Variants in MSH3 observed in about 807,000 individuals in gnomAD.
MSH3 encodes DNA mismatch repair protein Msh3.
MSH3 carries 106 observed loss-of-function variants against 123.3 expected under a neutral mutation model. That is an observed-to-expected ratio of 0.86 (90% CI 0.73 to 1.01). MSH3 has a LOEUF of 1.01. MSH3 is among the 50% of genes least tolerant of loss of function. The pLI is 0.00. For synonymous variants in MSH3, 515 were observed against 481.4 expected (o/e 1.07, Z -0.91); for missense variants, 1,459 against 1,347.6 (o/e 1.08, Z -1.29).
At chr5:80,747,065 C>T (rs1743734569) in intron 12 of MSH3, among the ~76,000 whole-genome samples, 2 of 152,152 alleles carry the variant, frequency 1.3e-5, no homozygotes, top group Admixed American at 1.3e-4. Flanking sequence ...GTTCAGCATT[C>T]TAATGAAATA....
intron 10 of MSH3, among the ~76,000 whole-genome samples, chr5:80,734,589 CCTCA>C (rs1743468789): frequency 6.6e-6 from 1 of 152,132 alleles, no homozygotes; most frequent in Non-Finnish European, 1.5e-5. Context: ...ATAACCAATG[CCTCA>C]TGTATTTTGA....
intron 9 of MSH3, among the ~76,000 whole-genome samples, chr5:80,727,656 A>C (rs1267147938): frequency 6.6e-6 from 1 of 152,236 alleles, no homozygotes; most frequent in African/African-American, 2.4e-5. Flanking sequence ...TCGTTCAGCT[A>C]ATTTTTTGAA....
intron 8 of MSH3, among the ~76,000 whole-genome samples, chr5:80,709,569 C>CTGAGATCACG (rs1206831589): frequency 6.6e-6 from 1 of 152,054 alleles, no homozygotes; most frequent in Admixed American, 6.6e-5. Flanking sequence ...TTGCAGTGAG[C>CTGAGATCACG]TGAGATCACG....
chr5:80,827,492 C>T (rs3797898), intron 20 of MSH3, among the ~76,000 whole-genome samples: 24,016 of 152,118 alleles, frequency 0.16, 1,997 homozygotes, highest in East Asian at 0.24. Flanking sequence ...GTACTCTATA[C>T]AAAATATATT....
chr5:80,728,285 C>A (rs1285194378), intron 9 of MSH3, among the ~76,000 whole-genome samples: 3 of 152,178 alleles, frequency 2.0e-5, no homozygotes, highest in African/African-American at 7.2e-5. Context: ...AAAGCTGTTG[C>A]AGTGTTTGTG....
At chr5:80,746,550 C>T in intron 12 of MSH3, 1 of 435,342 alleles carries the variant, frequency 2.3e-6, no homozygotes, top group South Asian at 1.7e-5. Context: ...GATCGACTTT[C>T]AGGAATTGTT....
At position 80,768,130 on chromosome 5, in the gene MSH3, A is replaced by G; in HGVS notation, c.2084+10A>G. 6.2e-7 allele frequency: 1 copy of G among 1,611,612 alleles called. No homozygotes were observed. Among genetic ancestry groups the G allele is most frequent in the Non-Finnish European group, 8.5e-7 (1 of 1,177,780 alleles). ...ATGAACAAGCTGCCAAGTAAGTACCAGACCCTGAATTCTTCCTTTTCACCA... is the reference window on the plus strand; with the variant it reads ...ATGAACAAGCTGCCAAGTAAGTACCGGACCCTGAATTCTTCCTTTTCACCA... On this transcript the variant is annotated intron_variant, in intron 14 of 23. Transcript: ENST00000265081.
At chr5:80,755,076 G>A (rs1489569550) in intron 12 of MSH3, among the ~76,000 whole-genome samples, 2 of 152,134 alleles carry the variant, frequency 1.3e-5, no homozygotes, top group African/African-American at 2.4e-5. Context: ...ATTACTGCTC[G>A]GAAATGGGAA....
At position 80,662,221 on chromosome 5, in the gene MSH3, G is replaced by A. The variant is rs1304132833; in HGVS notation, c.359-2922G>A. Among the ~76,000 whole-genome samples, 6 of 152,224 alleles carry A rather than the reference G, an allele frequency of 3.9e-5. No individual in the cohort carries two copies. The South Asian group carries it at 6.2e-4, about 16-fold the overall frequency. ...AACATGCTATACAGGTTTATAACCC[G>A]GGAGCAATAAACTATACCATATAGC... On this transcript the variant is annotated intron_variant, in intron 2 of 23. Transcript: ENST00000265081.
At chr5:80,741,003 A>G (rs1378070844) in intron 10 of MSH3, among the ~76,000 whole-genome samples, 2 of 152,192 alleles carry the variant, frequency 1.3e-5, no homozygotes, top group Non-Finnish European at 2.9e-5. Context: ...GGTGTGAGCC[A>G]CTGCACCTGG....
At chr5:80,703,844 A>G (rs1294391478) in intron 8 of MSH3, among the ~76,000 whole-genome samples, 2 of 152,000 alleles carry the variant, frequency 1.3e-5, no homozygotes, top group South Asian at 2.1e-4. Flanking sequence ...CGTAAACACT[A>G]GTATAACACT....
Position 80,860,647 on chromosome 5 carries a change from T to G in MSH3, c.3001-4166T>G, listed in dbSNP as rs79133433. On this transcript the variant is annotated intron_variant, in intron 21 of 23. Coordinates refer to ENST00000265081, the MANE Select transcript of MSH3 (RefSeq NM_002439.5). ...AATATGATTTGTCTAGGTGTGGTTT[T>G]GGGGACATTTATCCCGTTTGGTGTT... Among the ~76,000 whole-genome samples, 286 of 152,188 alleles carry G rather than the reference T, an allele frequency of 1.9e-3. 1 individual carries two copies. The highest frequency in any genetic ancestry group is 5.2e-3 in the African/African-American group (218 of 41,550).
Position 80,743,717 on chromosome 5 carries a change from G to A in MSH3, c.1654-789G>A, listed in dbSNP as rs554335199. ...AAATTAGCCGGGCGTGGTGGCGGGC[G>A]CCTGTAGTCCCAGCTACTCGGGAGG... On this transcript the variant is annotated intron_variant, in intron 11 of 23. Coordinates refer to ENST00000265081, the MANE Select transcript of MSH3 (RefSeq NM_002439.5). Among the ~76,000 whole-genome samples the A allele has an allele frequency of 1.6e-4, 8 of 51,166 alleles. 2 individuals are homozygous for A. Among genetic ancestry groups the A allele is most frequent in the South Asian group, 1.3e-3 (2 of 1,554 alleles). 33.6% of individuals were successfully genotyped at this position (51,166 alleles called of 152,430 possible).
At chr5:80,871,326 CAT>C (rs1011597787) in intron 22 of MSH3, among the ~76,000 whole-genome samples, 21 of 152,198 alleles carry the variant, frequency 1.4e-4, no homozygotes, top group Non-Finnish European at 2.4e-4. Flanking sequence ...CCCCCCAAAA[CAT>C]AGCGGCTTAG....
In MSH3 at chr5:80,731,377, G is replaced by A. The variant is rs1245677298; in HGVS notation, c.1568+2412G>A. Among the ~76,000 whole-genome samples, 3 of 152,086 alleles carry A rather than the reference G, an allele frequency of 2.0e-5. No homozygotes were observed. The East Asian group carries it at 5.8e-4, about 29-fold the overall frequency. ...ATGGTGGAGGATGGTCAGGAAACTG[G>A]CTCTGCTAGTGACTTAGTGTATCAT... is the stretch of plus-strand genomic sequence containing the variant. On this transcript the variant is annotated intron_variant, in intron 10 of 23. Transcript: ENST00000265081.
intron 15 of MSH3, among the ~76,000 whole-genome samples, chr5:80,774,125 C>G (rs1487279645): frequency 6.6e-6 from 1 of 152,108 alleles, no homozygotes. Context: ...TAATACATAA[C>G]TAAGGCTAAA....
chr5:80,683,142 T>A (rs1054171448), intron 8 of MSH3, among the ~76,000 whole-genome samples: 1 of 152,224 alleles, frequency 6.6e-6, no homozygotes, highest in Non-Finnish European at 1.5e-5. Flanking sequence ...ATCTTAGCTC[T>A]TGTGAATAGT....
rs1208722359 is a variant in MSH3 at position 80,864,826 on chromosome 5, C to A, written c.3014C>A (p.Thr1005Asn). Residue 1005 changes from threonine (T) to asparagine (N), a missense_variant, in exon 22 of 24, where the codon ACC becomes AAC. Physicochemically the swap from Thr to Asn is moderately conservative, Grantham distance 65. Transcript: ENST00000265081. ...EYFIRDVKSL[T>N]LFVTHYPPVC... Reference sequence around the variant, plus strand: ...TTATTGCTTTAGGTGAAATCCTTAACCCTGTTTGTCACCCATTATCCGCCA... The same window carrying A: ...TTATTGCTTTAGGTGAAATCCTTAAACCTGTTTGTCACCCATTATCCGCCA... 2 of 1,611,554 alleles carry A rather than the reference C, an allele frequency of 1.2e-6. No individual in the cohort carries two copies. The highest frequency in any genetic ancestry group is 1.1e-5 in the South Asian group (1 of 91,034).
intron 8 of MSH3, among the ~76,000 whole-genome samples, chr5:80,696,069 TA>T (rs1034204665): frequency 6.6e-6 from 1 of 152,164 alleles, no homozygotes; most frequent in African/African-American, 2.4e-5. Flanking sequence ...TGCTTCTTGT[TA>T]CTGCTGGGTC....
Sources: allele counts gnomAD v4.1 joint callset (sites outside exome capture counted in the v4.1 genomes callset), GRCh38; gene constraint gnomAD v4.1.1; transcripts MANE v1.5; gene names NCBI Gene and HGNC (gene_info 2026-07-23, HGNC 2026-07-21).